The following KIAA1549L variants were observed in gnomAD, a reference collection of about 807,000 sequenced individuals.
KIAA1549L encodes the protein UPF0606 protein KIAA1549L.
Under a neutral mutation model 160.7 loss-of-function variants are expected in KIAA1549L, and 88 were observed. The ratio of observed to expected loss-of-function variants is 0.55; its 90% CI spans 0.46 to 0.65. KIAA1549L has a LOEUF of 0.65. KIAA1549L is among the 30% of genes least tolerant of loss of function. The probability of loss-of-function intolerance (pLI) is 0.00; values close to 1 mark genes in which losing one functional copy is unlikely to be tolerated. For missense variants in KIAA1549L, 2,258 were observed against 2,437.5 expected (o/e 0.93, Z 1.55); for synonymous variants, 950 against 976.7 (o/e 0.97, Z 0.51).
At position 33,461,957 on chromosome 11, in the gene KIAA1549L, A is replaced by G. The variant is rs578191896; in HGVS notation, c.239-79845A>G. Among the ~76,000 whole-genome samples, 31 of 152,326 alleles carry G rather than the reference A, an allele frequency of 2.0e-4. No individual in the cohort carries two copies. In the South Asian group the frequency reaches 6.4e-3, roughly 32 times the overall value. ...GAAAGTATCTGTTGCTGGTTTGTGA[A>G]TGCTAGGCCTCTCCCATGCTGTAGT... is the stretch of plus-strand genomic sequence containing the variant. On this transcript the variant is annotated intron_variant, in intron 1 of 20. Coordinates refer to ENST00000658780, the MANE Select transcript of KIAA1549L (RefSeq NM_012194.3).
intron 1 of KIAA1549L, among the ~76,000 whole-genome samples, chr11:33,498,015 A>C (rs1407237888): frequency 6.6e-6 from 1 of 152,188 alleles, no homozygotes; most frequent in Non-Finnish European, 1.5e-5. Context: ...GTGGCCGGGC[A>C]TGGTGGCTCA....
intron 17 of KIAA1549L, among the ~76,000 whole-genome samples, chr11:33,646,994 A>G (rs1470221607): frequency 6.6e-6 from 1 of 152,216 alleles, no homozygotes; most frequent in East Asian, 1.9e-4. Context: ...CTTTACAAAT[A>G]AGAAAAATAA....
chr11:33,508,055 G>A (rs1853132639), intron 1 of KIAA1549L, among the ~76,000 whole-genome samples: 1 of 152,194 alleles, frequency 6.6e-6, no homozygotes, highest in Admixed American at 6.5e-5. Context: ...TAGTGCTGCT[G>A]TAGCCAGGGT....
At chr11:33,420,362 G>A (rs1235752087) in intron 1 of KIAA1549L, among the ~76,000 whole-genome samples, 1 of 151,524 alleles carries the variant, frequency 6.6e-6, no homozygotes, top group African/African-American at 2.4e-5. Context: ...TAGAGTAGCT[G>A]GGACTACAGG....
At chr11:33,479,911 T>A (rs1024121135) in intron 1 of KIAA1549L, among the ~76,000 whole-genome samples, 14 of 152,272 alleles carry the variant, frequency 9.2e-5, no homozygotes, top group African/African-American at 2.2e-4. Flanking sequence ...AACTGTGGTA[T>A]GTTTAACACG....
Position 33,610,031 on chromosome 11 carries a change from G to A in KIAA1549L, c.5279+65G>A, listed in dbSNP as rs1183168056. The A allele has an allele frequency of 3.2e-6, 4 of 1,257,752 alleles. No individual in the cohort carries two copies. In the South Asian group the frequency reaches 4.9e-5, roughly 16 times the overall value. 77.9% of individuals were successfully genotyped at this position (1,257,752 alleles called of 1,614,324 possible). On this transcript the variant is annotated intron_variant, in intron 15 of 20. Coordinates refer to ENST00000658780, the MANE Select transcript of KIAA1549L (RefSeq NM_012194.3). ...TTGGTGGGATAAGGGCAGGCCTTGGGCAGTATATCCTGGTTCCTTATCTGG... is the reference window on the plus strand; with the variant it reads ...TTGGTGGGATAAGGGCAGGCCTTGGACAGTATATCCTGGTTCCTTATCTGG...
At chr11:33,389,960 C>G (rs1378021258) in intron 1 of KIAA1549L, among the ~76,000 whole-genome samples, 1 of 152,136 alleles carries the variant, frequency 6.6e-6, no homozygotes, top group Non-Finnish European at 1.5e-5. Context: ...TGGGGGAATC[C>G]CAGGTGACAT....
intron 1 of KIAA1549L, among the ~76,000 whole-genome samples, chr11:33,471,746 C>A (rs1301134710): frequency 6.6e-6 from 1 of 152,230 alleles, no homozygotes; most frequent in Non-Finnish European, 1.5e-5. Context: ...ACAGCAAAAT[C>A]TGTTAGCCCT....
chr11:33,386,598 G>A (rs370265864), intron 1 of KIAA1549L, among the ~76,000 whole-genome samples: 4 of 152,258 alleles, frequency 2.6e-5, no homozygotes, highest in East Asian at 1.9e-4. Context: ...CAGGAGAATC[G>A]CTTGCACCTG....
At chr11:33,381,560 C>G (rs917372795) in intron 1 of KIAA1549L, among the ~76,000 whole-genome samples, 1 of 152,178 alleles carries the variant, frequency 6.6e-6, no homozygotes, top group Non-Finnish European at 1.5e-5. Context: ...TCCTATAGGA[C>G]TTACTGGCCA....
chr11:33,544,673 C>G, intron 2 of KIAA1549L, 94 bp from the exon 3 acceptor site: 3 of 1,472,408 alleles, frequency 2.0e-6, no homozygotes, highest in South Asian at 1.4e-5. Context: ...AGACTTCACC[C>G]TAGCAAATCC....
chr11:33,615,836 T>C (rs924590337), intron 15 of KIAA1549L, among the ~76,000 whole-genome samples: 1 of 152,224 alleles, frequency 6.6e-6, no homozygotes, highest in African/African-American at 2.4e-5. Context: ...AATGGGCTAA[T>C]TGATAATCTC....
chr11:33,477,076 A>G (rs1242641912), intron 1 of KIAA1549L, among the ~76,000 whole-genome samples: 1 of 152,204 alleles, frequency 6.6e-6, no homozygotes, highest in African/African-American at 2.4e-5. Flanking sequence ...ACTCATGGTC[A>G]GTGCTTGATC....
At position 33,669,660 on chromosome 11, in the gene KIAA1549L, T is replaced by A. The variant is rs984880619; in HGVS notation, c.*1506T>A. The A allele has an allele frequency of 6.6e-6, 1 of 152,140 alleles. No homozygotes were observed. The highest frequency in any genetic ancestry group is 2.4e-5 in the African/African-American group (1 of 41,418). 9.4% of individuals were successfully genotyped at this position (152,140 alleles called of 1,614,324 possible). A position where few individuals can be genotyped will look rare whatever the true frequency, so the allele number is the denominator to read the frequency against. On this transcript the variant is annotated 3_prime_UTR_variant, in exon 21 of 21. Coordinates refer to ENST00000658780, the MANE Select transcript of KIAA1549L (RefSeq NM_012194.3). ...TTTGGTCTTTACTGAAAGAAGATAG[T>A]AGAAATTTAAAAGTTGAGAGAAGAC... is the stretch of plus-strand genomic sequence containing the variant.
At position 33,419,302 on chromosome 11, in the gene KIAA1549L, T is replaced by G. The variant is rs1211669368; in HGVS notation, c.238+42413T>G. On this transcript the variant is annotated intron_variant, in intron 1 of 20. Coordinates refer to ENST00000658780, the MANE Select transcript of KIAA1549L (RefSeq NM_012194.3). ...TATGAGAATTGAGTAATGAGCCTGG[T>G]GGATAGCTCTCTAATTATAATGATA... Among the ~76,000 whole-genome samples the G allele has an allele frequency of 7.9e-5, 12 of 152,228 alleles. 1 individual carries two copies.
At chr11:33,499,045 A>T (rs1309803470) in intron 1 of KIAA1549L, among the ~76,000 whole-genome samples, 4 of 151,036 alleles carry the variant, frequency 2.6e-5, no homozygotes, top group Admixed American at 2.0e-4. Flanking sequence ...TTTTGTGCTC[A>T]GTTTTTTTTT....
intron 1 of KIAA1549L, among the ~76,000 whole-genome samples, chr11:33,431,984 C>T (rs570564532): frequency 3.0e-4 from 45 of 152,354 alleles, no homozygotes; most frequent in African/African-American, 8.9e-4. Context: ...GCCACTGGCC[C>T]GGGTGCTAAG....
At chr11:33,435,794 A>ATATGTGTGTGTGTGTGTG (rs1851351489) in intron 1 of KIAA1549L, among the ~76,000 whole-genome samples, 1 of 32,358 alleles carries the variant, frequency 3.1e-5, no homozygotes, top group Non-Finnish European at 5.1e-5. Context: ...ATATATATAT[A>ATATGTGTGTGTGTGTGTG]TATATATATA....
chr11:33,520,180 C>G lies in KIAA1549L; in HGVS notation c.239-21622C>G, dbSNP rs11821256. 4.2e-3 allele frequency among the ~76,000 whole-genome samples: 633 copies of G among 152,092 alleles called. 7 individuals carry two copies. The highest frequency in any genetic ancestry group is 0.014 in the African/African-American group (580 of 41,498). ...AAGATCTAGCGAATTTTTAAGCATA[C>G]AATACAGTGTTGTGAATCATGGGCC... On this transcript the variant is annotated intron_variant, in intron 1 of 20. Coordinates refer to ENST00000658780, the MANE Select transcript of KIAA1549L (RefSeq NM_012194.3).
Sources: gnomAD v4.1 joint callset for allele counts (sites outside exome capture counted in the v4.1 genomes callset) on GRCh38, gnomAD v4.1.1 for gene constraint, MANE v1.5 for transcripts, NCBI Gene and HGNC (gene_info 2026-07-23, HGNC 2026-07-21) for gene names.